Variants in RBL2 observed in about 807,000 individuals in gnomAD.
RBL2 encodes RB transcriptional corepressor like 2, also known as retinoblastoma-like protein 2.
Under a neutral mutation model 126.0 loss-of-function variants are expected in RBL2, and 56 were observed. That is an observed-to-expected ratio of 0.44 (90% CI 0.36 to 0.56). The LOEUF (loss-of-function observed/expected upper bound fraction) is 0.56. RBL2 is among the 20% of genes least tolerant of loss of function. The probability of loss-of-function intolerance (pLI) is 0.00; values close to 1 mark genes in which losing one functional copy is unlikely to be tolerated. For synonymous variants in RBL2, 454 were observed against 478.5 expected, an observed-to-expected ratio of 0.95 and a Z score of 0.67; for missense variants, 1,229 against 1,398.2, an observed-to-expected ratio of 0.88 and a Z score of 1.93.
rs138458893 is a variant in RBL2, at chr16:53,461,825, C to T, written c.1431C>T (p.Asp477=). 76 of 1,611,908 alleles carry T rather than the reference C, an allele frequency of 4.7e-5. 1 individual carries two copies. The highest frequency in any genetic ancestry group is 2.2e-5 in the East Asian group (1 of 44,698). Residue 477 remains aspartate, a synonymous_variant, in exon 10 of 22, where the codon GAC becomes GAT. Coordinates refer to ENST00000262133, the MANE Select transcript of RBL2 (RefSeq NM_005611.4). ...FEIYSQHFQP[D]EDFSNCAKEI... ...TATATTCTCAGCATTTCCAGCCAGA[C>T]GAGGATTTCAGTAATTGTGCTAAAG... is the stretch of plus-strand genomic sequence containing the variant.
rs1358114630 is a variant in RBL2 at position 53,465,354 on chromosome 16, A to G, written c.1699-84A>G. On this transcript the variant is annotated intron_variant, in intron 12 of 21. Transcript: ENST00000262133. ...GCGGCTGTTTCAAAATAATACTTCAACTTGTAATTTTGACTAATTTCTTGT... is the reference window on the plus strand; with the variant it reads ...GCGGCTGTTTCAAAATAATACTTCAGCTTGTAATTTTGACTAATTTCTTGT... The G allele has an allele frequency of 2.0e-5, 19 of 944,872 alleles. 1 individual carries two copies. The highest frequency in any genetic ancestry group is 3.5e-4 in the Middle Eastern group (1 of 2,844). 58.5% of individuals were successfully genotyped at this position (944,872 alleles called of 1,614,324 possible).
Position 53,442,322 on chromosome 16 carries a change from G to A in RBL2, c.372-336G>A, listed in dbSNP as rs1003962883. Among the ~76,000 whole-genome samples the A allele has an allele frequency of 6.6e-5, 10 of 152,142 alleles. No homozygotes were observed. The South Asian group carries it at 1.5e-3, about 22-fold the overall frequency. ...CCCTATCTCTTACAAAAACAAAAAC[G>A]ACAAAATTTATTTAATATATTAACA... On this transcript the variant is annotated intron_variant, in intron 2 of 21. Coordinates refer to ENST00000262133, the MANE Select transcript of RBL2 (RefSeq NM_005611.4).
chr16:53,461,745 T>C lies in RBL2; in HGVS notation c.1351T>C (p.Cys451Arg). Residue 451 changes from cysteine (C) to arginine (R), a missense_variant, in exon 10 of 22, where the codon TGT becomes CGT. Cys to Arg is a radical substitution (Grantham distance 180). Around this residue, in one of 2 missense-constraint regions of RBL2, gnomAD observed 1,070 missense variants for 1,274.3 expected, o/e 0.84. Transcript: ENST00000262133. ...SEKLEQILRT[C>R]SRDPTQAIAN... ...ATTTCTCATTACCTTTTTTAGGACA[T>C]GTTCCAGAGATCCAACCCAGGCTAT... 1 of 1,586,592 alleles carries C rather than the reference T, an allele frequency of 6.3e-7. No individual in the cohort carries two copies.
At chr16:53,436,610 G>A (rs1598082911) in intron 1 of RBL2, among the ~76,000 whole-genome samples, 1 of 152,068 alleles carries the variant, frequency 6.6e-6, no homozygotes, top group East Asian at 1.9e-4. Flanking sequence ...GGAGTGCAAG[G>A]GAAAATAAAG....
intron 11 of RBL2, among the ~76,000 whole-genome samples, chr16:53,463,213 A>G (rs1303037456): frequency 1.3e-5 from 2 of 152,224 alleles, no homozygotes; most frequent in Non-Finnish European, 2.9e-5. Context: ...TTGGAAAATT[A>G]TAAGCAAAAA....
chr16:53,440,782 G>A (rs191835190), intron 2 of RBL2, among the ~76,000 whole-genome samples: 102 of 151,964 alleles, frequency 6.7e-4, no homozygotes, highest in African/African-American at 2.2e-3. Context: ...TCCAACTCCC[G>A]ACCTCAGGTG....
In RBL2 at chr16:53,479,955, C is replaced by A. The variant is rs1360758212; in HGVS notation, c.2845C>A (p.His949Asn). ...RNSGSSDSRS[H>N]QNSPTELNKD... Reference sequence around the variant, plus strand: ...TTCTGGCAGCAGTGATAGCAGAAGCCATCAGAATTCTCCAACAGAACTAAA... The same window carrying A: ...TTCTGGCAGCAGTGATAGCAGAAGCAATCAGAATTCTCCAACAGAACTAAA... The change falls in exon 19 of 22, where the codon CAT (histidine) becomes AAT (asparagine). Residue 949 changes from histidine to asparagine, a missense_variant. By Grantham distance (68) the His-to-Asn change is moderately conservative. Around this residue, in one of 2 missense-constraint regions of RBL2, gnomAD observed 1,070 missense variants for 1,274.3 expected, o/e 0.84. Coordinates refer to ENST00000262133, the MANE Select transcript of RBL2 (RefSeq NM_005611.4). 3 of 1,610,332 alleles carry A rather than the reference C, an allele frequency of 1.9e-6. No individual in the cohort carries two copies. Among genetic ancestry groups the A allele is most frequent in the Non-Finnish European group, 2.5e-6 (3 of 1,177,888 alleles).
intron 8 of RBL2, 152 bp downstream of exon 8, chr16:53,454,994 C>A: frequency 5.0e-6 from 3 of 600,834 alleles, no homozygotes; most frequent in South Asian, 7.1e-5. Flanking sequence ...AAAGGTATCT[C>A]TATGATATTT....
At position 53,470,578 on chromosome 16, in the gene RBL2, G is replaced by C. The variant is rs568632945; in HGVS notation, c.2441G>C (p.Gly814Ala). Reference sequence around the variant, plus strand: ...GCCATTCAACAGATTTCCCCAGGTGGCCAACAGCAGAAGCAAGGCCAGTCT... The same window carrying C: ...GCCATTCAACAGATTTCCCCAGGTGCCCAACAGCAGAAGCAAGGCCAGTCT... ...QVAIQQISPG[G>A]QQQKQGQSVT... The change falls in exon 16 of 22, where the codon GGC becomes GCC. Residue 814 changes from glycine (G) to alanine (A), a missense_variant. Coordinates refer to ENST00000262133, the MANE Select transcript of RBL2 (RefSeq NM_005611.4). 6.2e-7 allele frequency: 1 copy of C among 1,614,158 alleles called. No homozygotes were observed. Among genetic ancestry groups the C allele is most frequent in the African/African-American group, 1.3e-5 (1 of 75,020 alleles).
chr16:53,480,130 T>C, intron 19 of RBL2, 139 bp downstream of exon 19: 1 of 629,710 alleles, frequency 1.6e-6, no homozygotes, highest in South Asian at 2.2e-5. Context: ...TAAACCATAT[T>C]CTAGCTGGCA....
intron 14 of RBL2, 140 bp downstream of exon 14, chr16:53,467,309 A>C (rs2058281660): frequency 1.5e-6 from 1 of 653,994 alleles, no homozygotes; most frequent in South Asian, 2.0e-5. Flanking sequence ...GATCACTTAA[A>C]AGAAGGGCCT....
chr16:53,487,368 A>G (rs931651162), intron 21 of RBL2, among the ~76,000 whole-genome samples: 2 of 152,232 alleles, frequency 1.3e-5, no homozygotes, highest in African/African-American at 4.8e-5. Flanking sequence ...AGAACAGAAC[A>G]GAGTCCTGAA....
intron 17 of RBL2, among the ~76,000 whole-genome samples, chr16:53,472,007 G>C (rs1960541191): frequency 6.6e-6 from 1 of 152,164 alleles, no homozygotes; most frequent in Admixed American, 6.5e-5. Flanking sequence ...TTATAGAAAT[G>C]GTACAATATG....
rs565803998 is a variant in RBL2, at chr16:53,471,677, C to T, written c.2703+755C>T. Among the ~76,000 whole-genome samples the T allele has an allele frequency of 1.2e-3, 176 of 152,170 alleles. 1 individual carries two copies. Among genetic ancestry groups the T allele is most frequent in the Non-Finnish European group, 1.3e-3 (85 of 67,978 alleles). ...AGAGATGGGGTTTGACCATGTTGGC[C>T]AGGCAGGTCTCAAACTCCTGACCTC... On this transcript the variant is annotated intron_variant, in intron 17 of 21. Transcript: ENST00000262133.
intron 7 of RBL2, 21 bp downstream of exon 7, chr16:53,453,790 T>G: frequency 1.3e-6 from 2 of 1,547,168 alleles, no homozygotes; most frequent in Non-Finnish European, 1.8e-6. Flanking sequence ...CTGTATAAAA[T>G]GTTTTAATAT....
intron 1 of RBL2, among the ~76,000 whole-genome samples, chr16:53,435,092 A>G (rs1048179396): frequency 6.6e-5 from 10 of 151,092 alleles, no homozygotes; most frequent in African/African-American, 1.9e-4. Context: ...GGCCCATCTG[A>G]CCCCCCGCCC....
At chr16:53,488,330 T>C (rs1961256164) in intron 21 of RBL2, 1 of 152,238 alleles carries the variant, frequency 6.6e-6, no homozygotes, top group Non-Finnish European at 1.5e-5. Context: ...TTCTGTGACA[T>C]TGTGGAAAAG....
chr16:53,464,475 C>T, intron 12 of RBL2, 112 bp downstream of exon 12: 1 of 916,066 alleles, frequency 1.1e-6, no homozygotes, highest in South Asian at 2.0e-5. Context: ...TTTTTATTTA[C>T]ATAGTTAATC....
At chr16:53,453,870 A>G (rs757093526) in intron 7 of RBL2, 101 bp downstream of exon 7, 26 of 1,086,142 alleles carry the variant, frequency 2.4e-5, no homozygotes, top group African/African-American at 2.3e-4. Flanking sequence ...AACTGAGAAT[A>G]TGTTTTGTGA....
Sources: allele counts gnomAD v4.1 joint callset (sites outside exome capture counted in the v4.1 genomes callset), GRCh38; gene constraint gnomAD v4.1.1; regional missense constraint gnomAD v4.1.1; transcripts MANE v1.5; gene names NCBI Gene and HGNC (gene_info 2026-07-23, HGNC 2026-07-21).